Variants in SLC14A2 observed in about 807,000 individuals in gnomAD.
SLC14A2 encodes the protein urea transporter 2.
SLC14A2 carries 91 observed loss-of-function variants against 104.6 expected under a neutral mutation model. The ratio of observed to expected loss-of-function variants is 0.87; its 90% confidence interval spans 0.73 to 1.04. SLC14A2 has a LOEUF of 1.04. Among genes scored for constraint, SLC14A2 ranks in the 50% least tolerant of loss-of-function variants. The pLI is 0.00. For synonymous variants in SLC14A2, 476 were observed against 466.4 expected (o/e 1.02, Z -0.27); for missense variants, 1,189 against 1,156.0 (o/e 1.03, Z -0.41).
At chr18:45,234,246 C>T (rs981189493) in intron 1 of SLC14A2, among the ~76,000 whole-genome samples, 5 of 152,162 alleles carry the variant, frequency 3.3e-5, no homozygotes, top group African/African-American at 1.2e-4. Flanking sequence ...CCTAAGATAT[C>T]TCCAAAGGGC....
At chr18:45,666,081 T>G in intron 11 of SLC14A2, 56 bp from the exon 12 acceptor site, 1 of 1,198,236 alleles carries the variant, frequency 8.3e-7, no homozygotes, top group Non-Finnish European at 1.2e-6. Flanking sequence ...CATTAGCTTC[T>G]GAGGTGCCAG....
intron 1 of SLC14A2, among the ~76,000 whole-genome samples, chr18:45,275,385 C>A (rs145899426): frequency 1.3e-5 from 2 of 152,118 alleles, no homozygotes; most frequent in Non-Finnish European, 2.9e-5. Flanking sequence ...AAGTACTGAA[C>A]GAATTGTTGA....
Position 45,330,045 on chromosome 18 carries a change from G to A in SLC14A2, c.-125+116854G>A, listed in dbSNP as rs557458863. 1.7e-3 allele frequency among the ~76,000 whole-genome samples: 255 copies of A among 152,204 alleles called. 2 individuals carry two copies. Among genetic ancestry groups the A allele is most frequent in the African/African-American group, 5.9e-3 (243 of 41,524 alleles). ...TTCAGCAAAGAGAAAATAATATCTC[G>A]TTCTACAGAAGAGGAAACTAAGGCT... On this transcript the variant is annotated intron_variant, in intron 1 of 20. Coordinates refer to the SLC14A2 transcript ENST00000586448.
chr18:45,633,008 AT>A (rs1039140841), intron 5 of SLC14A2, among the ~76,000 whole-genome samples: 69 of 152,154 alleles, frequency 4.5e-4, no homozygotes, highest in African/African-American at 1.6e-3. Flanking sequence ...AAAAGACAAC[AT>A]TTTTTTTATT....
intron 2 of SLC14A2, among the ~76,000 whole-genome samples, chr18:45,546,473 C>G (rs1454690136): frequency 6.6e-6 from 1 of 152,204 alleles, no homozygotes; most frequent in African/African-American, 2.4e-5. Flanking sequence ...TTTTACCTCT[C>G]TTTGTCTGAA....
intron 1 of SLC14A2, among the ~76,000 whole-genome samples, chr18:45,404,564 A>G (rs2086132714): frequency 6.6e-6 from 1 of 152,216 alleles, no homozygotes; most frequent in Non-Finnish European, 1.5e-5. Flanking sequence ...TGAGAAACTT[A>G]TGATTCAAAA....
chr18:45,545,931 G>A (rs74841059), intron 2 of SLC14A2, among the ~76,000 whole-genome samples: 3,095 of 152,112 alleles, frequency 0.02, 112 homozygotes, highest in African/African-American at 0.069. Context: ...AGTATTCCTC[G>A]TTTATTTGCA....
intron 1 of SLC14A2, among the ~76,000 whole-genome samples, chr18:45,295,007 C>T (rs1169825732): frequency 6.6e-6 from 1 of 152,150 alleles, no homozygotes; most frequent in Non-Finnish European, 1.5e-5. Context: ...TGTTTCATTC[C>T]TTTACTCATT....
chr18:45,254,692 C>T (rs531279221), intron 1 of SLC14A2, among the ~76,000 whole-genome samples: 2 of 152,212 alleles, frequency 1.3e-5, no homozygotes, highest in African/African-American at 2.4e-5. Flanking sequence ...TTTATTTCAG[C>T]AATCTCGGTG....
intron 1 of SLC14A2, among the ~76,000 whole-genome samples, chr18:45,309,396 C>A (rs955348125): frequency 6.6e-6 from 1 of 151,676 alleles, no homozygotes; most frequent in Admixed American, 6.6e-5. Flanking sequence ...GCAATCATAG[C>A]CAACTACAGC....
At chr18:45,665,223 C>CG (rs2045996883) in intron 11 of SLC14A2, among the ~76,000 whole-genome samples, 1 of 152,038 alleles carries the variant, frequency 6.6e-6, no homozygotes, top group Non-Finnish European at 1.5e-5. Context: ...GAGTGCAGAA[C>CG]GGGGGAACAG....
intron 2 of SLC14A2, among the ~76,000 whole-genome samples, chr18:45,519,879 G>T (rs1205063140): frequency 1.3e-5 from 2 of 152,134 alleles, no homozygotes; most frequent in Non-Finnish European, 2.9e-5. Context: ...GAATCAGATG[G>T]GACTCCTACA....
chr18:45,673,066 C>G lies in SLC14A2; in HGVS notation c.2377+19C>G, dbSNP rs2046168992. ...CTAGCAGGTCTGTGTCCTCACTTCC[C>G]TGGGCTGTGAGGGGGTTAGAGCCTG... On this transcript the variant is annotated intron_variant, in intron 17 of 19. Coordinates refer to ENST00000255226, the MANE Select transcript of SLC14A2 (RefSeq NM_007163.4). The G allele has an allele frequency of 6.2e-7, 1 of 1,612,180 alleles. No individual in the cohort carries two copies.
At chr18:45,378,960 G>A (rs895667514) in intron 1 of SLC14A2, among the ~76,000 whole-genome samples, 2 of 152,116 alleles carry the variant, frequency 1.3e-5, no homozygotes, top group Non-Finnish European at 2.9e-5. Flanking sequence ...GATACCTGAC[G>A]AAAGAGCTAA....
chr18:45,291,100 C>G (rs2084865074), intron 1 of SLC14A2, among the ~76,000 whole-genome samples: 1 of 152,192 alleles, frequency 6.6e-6, no homozygotes, highest in Non-Finnish European at 1.5e-5. Flanking sequence ...ATGAAAACCA[C>G]AGTTCCTGCC....
chr18:45,232,587 A>G (rs2084185296), intron 1 of SLC14A2, among the ~76,000 whole-genome samples: 3 of 152,216 alleles, frequency 2.0e-5, no homozygotes. Context: ...CTTGGTTCCA[A>G]CTTTGAAGAT....
intron 2 of SLC14A2, among the ~76,000 whole-genome samples, chr18:45,494,903 CACACACACACAT>C (rs2043064956): frequency 1.2e-5 from 1 of 85,692 alleles, no homozygotes; most frequent in Non-Finnish European, 2.3e-5. Context: ...CGGGTCATCA[CACACACACACAT>C]ACACACACAC....
intron 2 of SLC14A2, among the ~76,000 whole-genome samples, chr18:45,540,126 G>A (rs1412753387): frequency 6.6e-6 from 1 of 151,966 alleles, no homozygotes; most frequent in African/African-American, 2.4e-5. Flanking sequence ...AGGTGACTGA[G>A]AGGGCAGAGT....
intron 18 of SLC14A2, 128 bp downstream of exon 18, chr18:45,673,945 G>A (rs1161866089): frequency 1.4e-5 from 13 of 962,850 alleles, no homozygotes; most frequent in Admixed American, 9.4e-5. Context: ...AATACTCAAC[G>A]TTCAGTCACA....
Sources: gnomAD v4.1 joint callset for allele counts (sites outside exome capture counted in the v4.1 genomes callset) on GRCh38, gnomAD v4.1.1 for gene constraint, MANE v1.5 for transcripts, NCBI Gene and HGNC (gene_info 2026-07-23, HGNC 2026-07-21) for gene names.